The following FMNL1 variants were observed in gnomAD, a reference collection of about 807,000 sequenced individuals.
The protein encoded by FMNL1 is formin-like protein 1.
FMNL1 carries 43 observed loss-of-function variants against 121.3 expected under a neutral mutation model. The ratio of observed to expected loss-of-function variants is 0.35; its 90% confidence interval spans 0.28 to 0.46. FMNL1 has a LOEUF of 0.46. Among genes scored for constraint, FMNL1 ranks in the 20% least tolerant of loss-of-function variants. The probability of loss-of-function intolerance (pLI) is 1.00; values close to 1 mark genes in which losing one functional copy is unlikely to be tolerated. For missense variants in FMNL1, 1,191 were observed against 1,482.4 expected (o/e 0.80, Z 3.23); for synonymous variants, 613 against 613.5 (o/e 1.00, Z 0.01).
In FMNL1 at chr17:45,236,142, C is replaced by A; in HGVS notation, c.621C>A (p.Thr207=). The A allele has an allele frequency of 6.2e-7, 1 of 1,611,820 alleles. No individual in the cohort carries two copies. Residue 207 remains threonine (T), a synonymous_variant, in exon 7 of 27, where the codon ACC becomes ACA. Transcript: ENST00000331495. The stretch of plus-strand genomic sequence containing the variant: ...TCCTCCACACCCCGCCCAGGCTGAC[C>A]CCAGCCCACAGCAGGAAGGCCCTGC... ...PKSRHLTIKL[T]PAHSRKALRN...
rs1333254401 is a variant in FMNL1, at chr17:45,236,190, G to A, written c.669G>A (p.Gln223=). ...TGCGGAATTCCCGCATCGTCAGCCAGAAGGACGACGTCCACGTCTGTATTA... is the reference window on the plus strand; with the variant it reads ...TGCGGAATTCCCGCATCGTCAGCCAAAAGGACGACGTCCACGTCTGTATTA... ...KALRNSRIVS[Q]KDDVHVCIMC... The change falls in exon 7 of 27, where the codon CAG becomes CAA. Residue 223 remains glutamine, a synonymous_variant. Coordinates refer to ENST00000331495, the MANE Select transcript of FMNL1 (RefSeq NM_005892.4). 6.2e-7 allele frequency: 1 copy of A among 1,613,968 alleles called. No homozygotes were observed. Among genetic ancestry groups the A allele is most frequent in the African/African-American group, 1.3e-5 (1 of 75,068 alleles).
At position 45,247,008 on chromosome 17, in the gene FMNL1, G is replaced by A. The variant is rs1007791436; in HGVS notation, c.*150G>A. 1.0e-5 allele frequency: 7 copies of A among 689,204 alleles called. No individual in the cohort carries two copies. The highest frequency in any genetic ancestry group is 1.9e-5 in the Non-Finnish European group (7 of 374,600). 42.7% of individuals were successfully genotyped at this position (689,204 alleles called of 1,614,324 possible). A position where few individuals can be genotyped will look rare whatever the true frequency, so the allele number is the denominator to read the frequency against. ...CAGGTGGATTCTGCAGGGGTGTGGG[G>A]CCGTGGACAGGCTGAGGCTCAAGGA... On this transcript the variant is annotated 3_prime_UTR_variant, in exon 27 of 27. Transcript: ENST00000331495.
chr17:45,245,788 T>C (rs1486000350), intron 23 of FMNL1, 55 bp downstream of exon 23: 2 of 1,296,782 alleles, frequency 1.5e-6, no homozygotes, highest in Non-Finnish European at 2.0e-6. Context: ...GCCTTTCTAC[T>C]GGGCAGCGGA....
chr17:45,235,270 G>A (rs1422435382), intron 6 of FMNL1, among the ~76,000 whole-genome samples: 2 of 152,206 alleles, frequency 1.3e-5, no homozygotes, highest in African/African-American at 4.8e-5. Context: ...GTGTGCCTGG[G>A]AGCTCTGAGA....
At position 45,238,638 on chromosome 17, in the gene FMNL1, G is replaced by A; in HGVS notation, c.969G>A (p.Met323Ile). ...ATGAGGACAGCAACATCGACTTCAT[G>A]GTGAGCTCAGGAGCCCAGCAGCCTG... The part of the protein sequence containing the change: ...FRNEDSNIDF[M>I]VACMQFINIV... Residue 323 changes from methionine (M) to isoleucine (I), a missense_variant and splice_region_variant, in exon 10 of 27, where the codon ATG (methionine) becomes ATA (isoleucine). Met to Ile is a conservative substitution (Grantham distance 10, BLOSUM62 1). Transcript: ENST00000331495. 1 of 1,614,160 alleles carries A rather than the reference G, an allele frequency of 6.2e-7. No individual in the cohort carries two copies. The highest frequency in any genetic ancestry group is 8.5e-7 in the Non-Finnish European group (1 of 1,180,014).
rs1203161923 is a variant in FMNL1, at chr17:45,243,210, G to A, written c.2103G>A (p.Gln701=). 3.1e-6 allele frequency: 5 copies of A among 1,614,230 alleles called. No homozygotes were observed. The highest frequency in any genetic ancestry group is 3.4e-6 in the Non-Finnish European group (4 of 1,180,046). ...GCGCTCTCAAGAGTAAGGCAGCCCA[G>A]AAGGCCCCCAGCAAGGCGACACTCA... ...DLSALKSKAA[Q]KAPSKATLIE... The change falls in exon 17 of 27, where the codon CAG becomes CAA. Residue 701 remains glutamine (Q), a synonymous_variant. Coordinates refer to ENST00000331495, the MANE Select transcript of FMNL1 (RefSeq NM_005892.4).
intron 15 of FMNL1, 71 bp downstream of exon 15, chr17:45,242,217 C>T (rs2043721775): frequency 6.4e-7 from 1 of 1,554,416 alleles, no homozygotes; most frequent in Non-Finnish European, 8.7e-7. Flanking sequence ...CCTCAGTGTC[C>T]TCCAGGGTCC....
At chr17:45,230,177 C>A (rs1231667594) in intron 1 of FMNL1, among the ~76,000 whole-genome samples, 2 of 151,354 alleles carry the variant, frequency 1.3e-5, no homozygotes, top group African/African-American at 4.9e-5. Context: ...GGCCACTGGC[C>A]ACACTTTGGC....
intron 24 of FMNL1, 67 bp downstream of exon 24, chr17:45,246,040 G>A: frequency 6.6e-7 from 1 of 1,515,550 alleles, no homozygotes. Context: ...ACCCTCTGGT[G>A]CCACCCCCAC....
chr17:45,242,920 C>G (rs193008844), intron 16 of FMNL1, among the ~76,000 whole-genome samples, 198 bp from the exon 17 acceptor site: 65 of 152,338 alleles, frequency 4.3e-4, no homozygotes, highest in Non-Finnish European at 8.5e-4. Flanking sequence ...CTGGATCCCC[C>G]GGGTTAGGCG....
chr17:45,240,429 C>CCA (rs767616758), intron 11 of FMNL1, 47 bp from the exon 12 acceptor site: 10 of 1,532,104 alleles, frequency 6.5e-6, no homozygotes, highest in South Asian at 2.5e-5. Flanking sequence ...AGACTCCCCC[C>CCA]CACACACACA....
At chr17:45,224,595 C>G (rs2043296144) in intron 1 of FMNL1, among the ~76,000 whole-genome samples, 1 of 152,172 alleles carries the variant, frequency 6.6e-6, no homozygotes, top group Non-Finnish European at 1.5e-5. Flanking sequence ...ATCCTGATAC[C>G]CCAAACTCTC....
Position 45,237,217 on chromosome 17 carries a change from G to T in FMNL1, c.724-64G>T. 1 of 1,492,004 alleles carries T rather than the reference G, an allele frequency of 6.7e-7. No individual in the cohort carries two copies. Among genetic ancestry groups the T allele is most frequent in the Non-Finnish European group, 9.3e-7 (1 of 1,070,802 alleles). 92.4% of individuals were successfully genotyped at this position (1,492,004 alleles called of 1,614,324 possible). On this transcript the variant is annotated intron_variant, in intron 7 of 26. Coordinates refer to ENST00000331495, the MANE Select transcript of FMNL1 (RefSeq NM_005892.4). This position sits in a 1 kb window ranked among gnomAD's most constrained non-coding sequence, Gnocchi z 4.4. ...CTCGAGGGCAGTTAAAGATCCACGTGGCGTGGGTGCCTGAAGTCCTGGGGG... is the reference window on the plus strand; with the variant it reads ...CTCGAGGGCAGTTAAAGATCCACGTTGCGTGGGTGCCTGAAGTCCTGGGGG...
intron 3 of FMNL1, chr17:45,232,856 T>G (rs2043467781): frequency 1.8e-6 from 1 of 558,978 alleles, no homozygotes; most frequent in African/African-American, 1.9e-5. Context: ...TGTGTGTGTG[T>G]GTGTCCATGT....
chr17:45,228,856 C>T (rs963259011), intron 1 of FMNL1, among the ~76,000 whole-genome samples: 1 of 152,148 alleles, frequency 6.6e-6, no homozygotes, highest in African/African-American at 2.4e-5. Context: ...GGCCACGGCT[C>T]CAGTTTCCCT....
Position 45,237,855 on chromosome 17 carries a change from G to A in FMNL1, c.894+216G>A, listed in dbSNP as rs868557837. Among the ~76,000 whole-genome samples, 1 of 152,194 alleles carries A rather than the reference G, an allele frequency of 6.6e-6. No homozygotes were observed. Among genetic ancestry groups the A allele is most frequent in the African/African-American group, 2.4e-5 (1 of 41,440 alleles). On this transcript the variant is annotated intron_variant, in intron 9 of 26. Coordinates refer to ENST00000331495, the MANE Select transcript of FMNL1 (RefSeq NM_005892.4). This position sits in a 1 kb window ranked among gnomAD's most constrained non-coding sequence, Gnocchi z 4.4. ...ACAGGGTCAGGTAAGGGCACCACCT[G>A]GGTGGGGGTAGGGACAACTACAGGG... is the stretch of plus-strand genomic sequence containing the variant.
intron 6 of FMNL1, 77 bp downstream of exon 6, chr17:45,234,277 C>G: frequency 6.2e-7 from 1 of 1,609,532 alleles, no homozygotes; most frequent in Non-Finnish European, 8.5e-7. Flanking sequence ...CCAGCCCACC[C>G]CGGGCCCTTG....
intron 17 of FMNL1, 104 bp downstream of exon 17, chr17:45,243,424 C>G (rs546582507): frequency 7.5e-7 from 1 of 1,335,434 alleles, no homozygotes; most frequent in Non-Finnish European, 1.0e-6. Context: ...GCTCTTTCAT[C>G]AGGCTTCATA....
chr17:45,227,956 C>T (rs543971265), intron 1 of FMNL1, among the ~76,000 whole-genome samples: 27 of 152,272 alleles, frequency 1.8e-4, no homozygotes, highest in African/African-American at 6.5e-4. Flanking sequence ...CTCCCTGCCC[C>T]CCTCAGGAGG....
Sources: gnomAD v4.1 joint callset for allele counts (sites outside exome capture counted in the v4.1 genomes callset) on GRCh38, gnomAD v4.1.1 for gene constraint, Gnocchi (gnomAD v3.1) non-coding constraint, MANE v1.5 for transcripts, NCBI Gene and HGNC (gene_info 2026-07-23, HGNC 2026-07-21) for gene names.